The following PRR12 variants were observed in gnomAD, a reference collection of about 807,000 sequenced individuals.
PRR12 encodes proline-rich protein 12.
PRR12 carries 12 observed loss-of-function variants against 138.0 expected under a neutral mutation model. The ratio of observed to expected loss-of-function variants is 0.09; its 90% CI spans 0.06 to 0.14. The LOEUF is 0.14. Ranked by LOEUF, PRR12 falls within the 10% of genes least tolerant of loss-of-function variation. PRR12 has a pLI of 1.00. For missense variants in PRR12, 2,692 were observed against 2,861.3 expected, an observed-to-expected ratio of 0.94 and a Z score of 1.35; for synonymous variants, 1,567 against 1,291.7, an observed-to-expected ratio of 1.21 and a Z score of -4.57.
Position 49,599,825 on chromosome 19 carries a change from C to T in PRR12, c.4232C>T (p.Ala1411Val), listed in dbSNP as rs1434678438. Residue 1411 changes from alanine to valine, a missense_variant, in exon 5 of 14, where the codon GCT becomes GTT. By Grantham distance (64) the Ala-to-Val change is moderately conservative. Around this residue, in one of 11 missense-constraint regions of PRR12, gnomAD observed 231 missense variants for 200.8 expected, o/e 1.15. Transcript: ENST00000418929. This position sits in a 1 kb window ranked among gnomAD's most constrained non-coding sequence, Gnocchi z 5.0. ...TCTGCCCTCGATGACCCACCCCTTGCTGGGCCAAAAGACACTTCCACCCCA... is the reference window on the plus strand; with the variant it reads ...TCTGCCCTCGATGACCCACCCCTTGTTGGGCCAAAAGACACTTCCACCCCA... ...AISALDDPPL[A>V]GPKDTSTPDG... is the part of the protein sequence containing the mutation. 1.9e-6 allele frequency: 3 copies of T among 1,613,504 alleles called. No homozygotes were observed. Among genetic ancestry groups the T allele is most frequent in the Admixed American group, 1.7e-5 (1 of 60,024 alleles).
intron 5 of PRR12, 86 bp downstream of exon 5, chr19:49,600,024 A>G: frequency 7.5e-7 from 1 of 1,330,712 alleles, no homozygotes; most frequent in East Asian, 2.5e-5. Flanking sequence ...CGCACTGTTT[A>G]AGAGACACCA....
At chr19:49,618,649 A>G (rs1003733737) in intron 9 of PRR12, among the ~76,000 whole-genome samples, 1 of 152,022 alleles carries the variant, frequency 6.6e-6, no homozygotes, top group African/African-American at 2.4e-5. Context: ...TCAGTCTCAC[A>G]AAGTGCTGGG....
At chr19:49,620,056 C>G (rs960708436) in intron 9 of PRR12, among the ~76,000 whole-genome samples, 1 of 150,566 alleles carries the variant, frequency 6.6e-6, no homozygotes, top group Admixed American at 6.6e-5. Flanking sequence ...TTTTGCCACG[C>G]TGGCCAGGCT....
Position 49,597,948 on chromosome 19 carries a change from C to A in PRR12, c.3613C>A (p.Arg1205=). The A allele has an allele frequency of 7.2e-7, 1 of 1,397,354 alleles. No individual in the cohort carries two copies. The highest frequency in any genetic ancestry group is 9.3e-7 in the Non-Finnish European group (1 of 1,079,036). 86.6% of individuals were successfully genotyped at this position (1,397,354 alleles called of 1,614,324 possible). The stretch of plus-strand genomic sequence containing the variant: ...CGCCAAGAAACCCCGGGGCCGGGGC[C>A]GAGGCCGGGGTCGAAAGGCTGAGGA... ...DGAKKPRGRG[R]GRGRKAEEAG... Residue 1205 remains arginine (R), a synonymous_variant, in exon 4 of 14, where the codon CGA becomes AGA. Transcript: ENST00000418929. The surrounding 1 kb of genome is among the most constrained non-coding windows in gnomAD (Gnocchi z 6.3).
intron 6 of PRR12, among the ~76,000 whole-genome samples, chr19:49,610,485 C>G (rs1387110249): frequency 5.9e-5 from 9 of 151,674 alleles, no homozygotes; most frequent in Admixed American, 5.9e-4. Context: ...ACATTGCGGC[C>G]TGAGGTGGGA....
chr19:49,613,111 T>G (rs563631211), intron 6 of PRR12, among the ~76,000 whole-genome samples: 1 of 151,674 alleles, frequency 6.6e-6, no homozygotes, highest in South Asian at 2.1e-4. Flanking sequence ...CCGAGGCAGG[T>G]GGATCACCTG....
In PRR12 at chr19:49,626,178, CCTCT is replaced by C. The variant is rs2051247604; in HGVS notation, c.*576_*579del. 1.3e-5 allele frequency: 2 copies of C among 152,086 alleles called. No homozygotes were observed. The highest frequency in any genetic ancestry group is 4.8e-5 in the African/African-American group (2 of 41,392). 9.4% of individuals were successfully genotyped at this position (152,086 alleles called of 1,614,324 possible). A position where few individuals can be genotyped will look rare whatever the true frequency, so the allele number is the denominator to read the frequency against. On this transcript the variant is annotated 3_prime_UTR_variant, in exon 14 of 14. Transcript: ENST00000418929. ...GGAGGTGGAGGGGGGAGAAGGGTCC[CCTCT>C]CTCTGCCCCTCCCACTCCTTTTCTA...
At chr19:49,592,104 T>G (rs561285836) in intron 1 of PRR12, among the ~76,000 whole-genome samples, 1 of 148,644 alleles carries the variant, frequency 6.7e-6, no homozygotes, top group African/African-American at 2.5e-5. Context: ...GCACTGCTCT[T>G]GCAAAGGTGG....
Position 49,614,577 on chromosome 19 carries a change from C to A in PRR12, c.4818C>A (p.Val1606=). 6.4e-7 allele frequency: 1 copy of A among 1,561,142 alleles called. No homozygotes were observed. The highest frequency in any genetic ancestry group is 8.7e-7 in the Non-Finnish European group (1 of 1,152,820). The change falls in exon 7 of 14, where the codon GTC becomes GTA. Residue 1606 remains valine, a synonymous_variant. Transcript: ENST00000418929. This position sits in a 1 kb window ranked among gnomAD's most constrained non-coding sequence, Gnocchi z 5.0. ...TGREPPPIWR[V]QKALLQKFTP... is the part of the protein sequence containing the mutation. ...GTGAACCCCCACCCATCTGGCGAGTCCAGAAGGCCCTTCTGCAGAAATTCA... is the reference window on the plus strand; with the variant it reads ...GTGAACCCCCACCCATCTGGCGAGTACAGAAGGCCCTTCTGCAGAAATTCA...
intron 6 of PRR12, among the ~76,000 whole-genome samples, chr19:49,603,779 G>T (rs530674575): frequency 3.0e-4 from 45 of 152,182 alleles, no homozygotes; most frequent in African/African-American, 1.1e-3. Flanking sequence ...ATTATGGGAA[G>T]AATTAATTAT....
chr19:49,606,564 C>T (rs1189259208), intron 6 of PRR12, among the ~76,000 whole-genome samples: 1 of 151,670 alleles, frequency 6.6e-6, no homozygotes, highest in African/African-American at 2.4e-5. Flanking sequence ...CCCCCGCCCC[C>T]CAACCTTGGC....
In PRR12 at chr19:49,594,402, CTG is replaced by C; in HGVS notation, c.200-50_200-49del. ...TTGGCCTCTTCCCTTTCTCTCTTGA[CTG>C]TATCCTACCCACCCCCACCTGGCTG... On this transcript the variant is annotated intron_variant, in intron 2 of 13. Transcript: ENST00000418929. The surrounding 1 kb of genome is among the most constrained non-coding windows in gnomAD (Gnocchi z 5.6). The C allele has an allele frequency of 6.7e-7, 1 of 1,487,238 alleles. No individual in the cohort carries two copies. Among genetic ancestry groups the C allele is most frequent in the South Asian group, 1.3e-5 (1 of 74,640 alleles). The allele number at this position is 1,487,238 out of a possible 1,614,324, so 92.1% of individuals were successfully genotyped here.
chr19:49,595,030 C>A lies in PRR12; in HGVS notation c.695C>A (p.Pro232Gln), dbSNP rs772654313. ...AQTPPYRPGP[P>Q]DPPPPPRHLP... ...ACCCCCCCTTACCGCCCTGGCCCCC[C>A]AGACCCACCACCACCTCCTCGCCAC... is the stretch of plus-strand genomic sequence containing the variant. The change falls in exon 4 of 14, where the codon CCA (proline) becomes CAA (glutamine). Residue 232 changes from proline to glutamine, a missense_variant. Pro to Gln is a moderately conservative substitution (Grantham distance 76). Coordinates refer to ENST00000418929, the MANE Select transcript of PRR12 (RefSeq NM_020719.3). The A allele has an allele frequency of 3.1e-6, 5 of 1,607,248 alleles. No homozygotes were observed. The highest frequency in any genetic ancestry group is 2.2e-5 in the South Asian group (2 of 90,214).
rs1013621665 is a variant in PRR12 at position 49,601,733 on chromosome 19, C to G, written c.4588C>G (p.Pro1530Ala). The change falls in exon 6 of 14, where the codon CCC becomes GCC. Residue 1530 changes from proline to alanine, a missense_variant. By Grantham distance (27) the Pro-to-Ala change is conservative. Coordinates refer to ENST00000418929, the MANE Select transcript of PRR12 (RefSeq NM_020719.3). ...AAPLAAPPEE[P>A]AAPSPEDPEL... is the part of the protein sequence containing the mutation. ...CCCACTGGCTGCTCCTCCTGAGGAG[C>G]CCGCCGCCCCGTCTCCCGAAGACCC... 6.5e-7 allele frequency: 1 copy of G among 1,546,964 alleles called. No individual in the cohort carries two copies. Among genetic ancestry groups the G allele is most frequent in the East Asian group, 2.4e-5 (1 of 41,154 alleles).
chr19:49,617,457 G>A (rs1254984043), intron 9 of PRR12, among the ~76,000 whole-genome samples: 1 of 152,022 alleles, frequency 6.6e-6, no homozygotes, highest in African/African-American at 2.4e-5. Flanking sequence ...GTGAGACCCC[G>A]TCTCTACGAA....
At position 49,625,832 on chromosome 19, in the gene PRR12, G is replaced by C. The variant is rs2122392289; in HGVS notation, c.*225G>C. On this transcript the variant is annotated 3_prime_UTR_variant, in exon 14 of 14. Transcript: ENST00000418929. The surrounding 1 kb of genome is among the most constrained non-coding windows in gnomAD (Gnocchi z 5.5). ...TTCCTCCCACTGTTCGGTGTACAGA[G>C]AAATTATTTATATATATGTATAAAT... 1 of 466,310 alleles carries C rather than the reference G, an allele frequency of 2.1e-6. No homozygotes were observed. The highest frequency in any genetic ancestry group is 3.4e-5 in the East Asian group (1 of 29,006). 28.9% of individuals were successfully genotyped at this position (466,310 alleles called of 1,614,324 possible).
At chr19:49,620,500 G>GT in intron 10 of PRR12, 23 bp downstream of exon 10, 2 of 1,047,196 alleles carry the variant, frequency 1.9e-6, no homozygotes, top group Non-Finnish European at 2.5e-6. Flanking sequence ...CTGGGGAGGA[G>GT]GGGGGGGGGC....
At chr19:49,592,270 TTG>T (rs71180642) in intron 1 of PRR12, among the ~76,000 whole-genome samples, 1 of 151,218 alleles carries the variant, frequency 6.6e-6, no homozygotes, top group Non-Finnish European at 1.5e-5. Flanking sequence ...TAAGCTGGGG[TTG>T]TGTGTGTGTA....
At position 49,614,734 on chromosome 19, in the gene PRR12, T is replaced by G; in HGVS notation, c.4890+85T>G. Reference sequence around the variant, plus strand: ...GGGTTCCCCTTAGTGTGGCTGTGACTCACTCCACAGTGTATCTGGAAGGGG... The same window carrying G: ...GGGTTCCCCTTAGTGTGGCTGTGACGCACTCCACAGTGTATCTGGAAGGGG... On this transcript the variant is annotated intron_variant, in intron 7 of 13. Transcript: ENST00000418929. This position sits in a 1 kb window ranked among gnomAD's most constrained non-coding sequence, Gnocchi z 5.0. 2.7e-6 allele frequency: 4 copies of G among 1,474,608 alleles called. No individual in the cohort carries two copies. The South Asian group carries it at 5.0e-5, about 18-fold the overall frequency. The allele number at this position is 1,474,608 out of a possible 1,614,324, so 91.3% of individuals were successfully genotyped here.
Sources: gnomAD v4.1 joint callset for allele counts (sites outside exome capture counted in the v4.1 genomes callset) on GRCh38, gnomAD v4.1.1 for gene constraint, gnomAD v4.1.1 regional missense constraint, Gnocchi (gnomAD v3.1) non-coding constraint, MANE v1.5 for transcripts, NCBI Gene and HGNC (gene_info 2026-07-23, HGNC 2026-07-21) for gene names.